LEF1: variants seen among roughly 807,000 people sequenced by gnomAD.
LEF1 encodes the protein lymphoid enhancer-binding factor 1.
Under a neutral mutation model 51.2 loss-of-function variants are expected in LEF1, and 14 were observed. The ratio of observed to expected loss-of-function variants is 0.27; its 90% CI spans 0.18 to 0.43. LEF1 has a LOEUF of 0.43. Ranked by LOEUF, LEF1 falls within the 20% of genes least tolerant of loss-of-function variation. The pLI is 1.00. For missense variants in LEF1, 386 were observed against 512.0 expected, an observed-to-expected ratio of 0.75 and a Z score of 2.37; for synonymous variants, 185 against 183.2, an observed-to-expected ratio of 1.01 and a Z score of -0.08.
chr4:108,167,531 G>C lies in LEF1; in HGVS notation c.213+24C>G. The C allele has an allele frequency of 8.1e-6, 13 of 1,612,336 alleles. No homozygotes were observed. The highest frequency in any genetic ancestry group is 1.1e-5 in the Non-Finnish European group (13 of 1,178,854). ...TCCCAGGGACCCGCCACGCCTCTCG[G>C]AACTGGGGCAGCGGCCCGCTCACCT... On this transcript the variant is annotated intron_variant, in intron 1 of 11. Coordinates refer to ENST00000265165, the MANE Select transcript of LEF1 (RefSeq NM_016269.5). This position sits in a 1 kb window ranked among gnomAD's most constrained non-coding sequence, Gnocchi z 5.7.
At chr4:108,070,849 A>C in intron 8 of LEF1, 79 bp from the exon 9 acceptor site, 2 of 983,956 alleles carry the variant, frequency 2.0e-6, no homozygotes, top group Non-Finnish European at 3.1e-6. Flanking sequence ...AAAATCAAAA[A>C]ATGAAAATAT....
chr4:108,133,334 T>C (rs538180872), intron 3 of LEF1, among the ~76,000 whole-genome samples: 5 of 152,308 alleles, frequency 3.3e-5, no homozygotes, highest in African/African-American at 9.6e-5. Flanking sequence ...TCATGTAACT[T>C]TTATTTAAAT....
In LEF1 at chr4:108,103,284, G is replaced by A. The variant is rs1238551391; in HGVS notation, c.415-14027C>T. On this transcript the variant is annotated intron_variant, in intron 3 of 11. Transcript: ENST00000265165. ...TATCATGTGAATGTGCTAATGAACA[G>A]TACAATCAATCAGTATATTATTCAC... Among the ~76,000 whole-genome samples the A allele has an allele frequency of 2.6e-5, 4 of 152,216 alleles. 1 individual carries two copies. The East Asian group carries it at 7.7e-4, about 29-fold the overall frequency.
At chr4:108,161,591 C>T (rs1745055309) in intron 3 of LEF1, among the ~76,000 whole-genome samples, 2 of 152,086 alleles carry the variant, frequency 1.3e-5, no homozygotes, top group African/African-American at 4.8e-5. Flanking sequence ...GACTAGTATA[C>T]TGGTAGATTG....
chr4:108,083,400 G>C lies in LEF1; in HGVS notation c.594C>G (p.Pro198=), dbSNP rs780937092. The C allele has an allele frequency of 5.0e-6, 8 of 1,613,754 alleles. No individual in the cohort carries two copies. Among genetic ancestry groups the C allele is most frequent in the Non-Finnish European group, 5.9e-6 (7 of 1,179,756 alleles). The stretch of plus-strand genomic sequence containing the variant: ...TCTGTCCAACACCACCCGGAGACAA[G>C]GGATAAAAAGTAGGGATATCAGGAG... ...PPAPDIPTFY[P]LSPGGVGQIT... is the part of the protein sequence containing the mutation. The change falls in exon 5 of 12, where the codon CCC becomes CCG. Residue 198 remains proline, a synonymous_variant. Coordinates refer to ENST00000265165, the MANE Select transcript of LEF1 (RefSeq NM_016269.5).
At chr4:108,154,401 C>T (rs1744552033) in intron 3 of LEF1, among the ~76,000 whole-genome samples, 1 of 135,860 alleles carries the variant, frequency 7.4e-6, no homozygotes, top group Non-Finnish European at 1.5e-5. Context: ...AATATGACAA[C>T]CCTGTAAGGT....
intron 3 of LEF1, among the ~76,000 whole-genome samples, chr4:108,104,178 T>A (rs1740996849): frequency 6.6e-6 from 1 of 152,060 alleles, no homozygotes; most frequent in Admixed American, 6.6e-5. Flanking sequence ...TATGTATATG[T>A]ATATGTATAT....
intron 3 of LEF1, among the ~76,000 whole-genome samples, chr4:108,124,067 G>A: frequency 6.6e-6 from 1 of 152,154 alleles, no homozygotes; most frequent in Admixed American, 6.5e-5. Flanking sequence ...AGGATAGCTT[G>A]AGCCCAGGAG....
At chr4:108,163,786 A>G (rs1379676934) in intron 2 of LEF1, 85 bp from the exon 3 acceptor site, 59 of 1,384,836 alleles carry the variant, frequency 4.3e-5, no homozygotes, top group Non-Finnish European at 5.3e-5. Flanking sequence ...TAATAGTTCT[A>G]AGATAAATCA....
chr4:108,089,400 T>C, intron 3 of LEF1, 143 bp from the exon 4 acceptor site: 1 of 794,260 alleles, frequency 1.3e-6, no homozygotes. Context: ...GGTGGAAATG[T>C]CTCTTTTAGA....
intron 9 of LEF1, among the ~76,000 whole-genome samples, chr4:108,067,841 T>C (rs886731447): frequency 6.6e-6 from 1 of 151,972 alleles, no homozygotes; most frequent in African/African-American, 2.4e-5. Context: ...GAAGACACTT[T>C]TGAAACCCTC....
At chr4:108,162,149 T>C (rs77024134) in intron 3 of LEF1, among the ~76,000 whole-genome samples, 4,023 of 152,248 alleles carry the variant, frequency 0.026, 160 homozygotes, top group African/African-American at 0.089. Context: ...ATCTTTATCA[T>C]TAAATACTTG....
rs573015463 is a variant in LEF1 at position 108,163,915 on chromosome 4, T to C, written c.281-214A>G. Among the ~76,000 whole-genome samples the C allele has an allele frequency of 2.0e-5, 3 of 152,366 alleles. No homozygotes were observed. In the East Asian group the frequency reaches 5.8e-4, roughly 29 times the overall value. On this transcript the variant is annotated intron_variant, in intron 2 of 11. Coordinates refer to ENST00000265165, the MANE Select transcript of LEF1 (RefSeq NM_016269.5). ...CAGCAAACCAGATGTTTTAAAAACA[T>C]GTAGTTCAAACAGTTCTTCCACTAC...
intron 3 of LEF1, among the ~76,000 whole-genome samples, chr4:108,154,615 C>A (rs1744577440): frequency 6.6e-6 from 1 of 152,118 alleles, no homozygotes; most frequent in East Asian, 1.9e-4. Flanking sequence ...GACTGGTCAG[C>A]CCAACTGTAA....
chr4:108,047,992 C>T lies in LEF1; in HGVS notation c.*766G>A, dbSNP rs1560748004. The T allele has an allele frequency of 6.6e-6, 1 of 152,562 alleles. No individual in the cohort carries two copies. Among genetic ancestry groups the T allele is most frequent in the Non-Finnish European group, 1.5e-5 (1 of 68,032 alleles). 9.5% of individuals were successfully genotyped at this position (152,562 alleles called of 1,614,324 possible). On this transcript the variant is annotated 3_prime_UTR_variant, in exon 12 of 12. Coordinates refer to ENST00000265165, the MANE Select transcript of LEF1 (RefSeq NM_016269.5). Reference sequence around the variant, plus strand: ...AGCTCTACTGAACACCTTACAAGGGCGGAGAAGCCACTATGTGTTACAGGC... The same window carrying T: ...AGCTCTACTGAACACCTTACAAGGGTGGAGAAGCCACTATGTGTTACAGGC...
intron 1 of LEF1, chr4:108,166,913 A>G (rs1022621642): frequency 1.4e-6 from 1 of 724,256 alleles, no homozygotes; most frequent in Non-Finnish European, 1.7e-6. Flanking sequence ...CCCAGCTGCT[A>G]GCCCAGGCGC....
intron 3 of LEF1, among the ~76,000 whole-genome samples, chr4:108,160,612 G>A (rs1163185180): frequency 1.3e-5 from 2 of 152,170 alleles, no homozygotes; most frequent in Admixed American, 1.3e-4. Flanking sequence ...GTTCTAGAAG[G>A]ATGTAATTTG....
intron 6 of LEF1, among the ~76,000 whole-genome samples, chr4:108,080,986 G>A (rs779675919): frequency 2.1e-5 from 3 of 146,268 alleles, no homozygotes; most frequent in East Asian, 2.1e-4. Context: ...TTCTCGGTGC[G>A]GCGCGGCAGG....
intron 3 of LEF1, among the ~76,000 whole-genome samples, chr4:108,145,947 A>G (rs1187796231): frequency 2.0e-5 from 3 of 152,218 alleles, no homozygotes; most frequent in Non-Finnish European, 4.4e-5. Flanking sequence ...AACTATGTGA[A>G]TATACTAAAA....
Sources: allele counts gnomAD v4.1 joint callset (sites outside exome capture counted in the v4.1 genomes callset), GRCh38; gene constraint gnomAD v4.1.1; non-coding constraint Gnocchi (gnomAD v3.1); transcripts MANE v1.5; gene names NCBI Gene and HGNC (gene_info 2026-07-23, HGNC 2026-07-21).